DGKI: variants seen among roughly 807,000 people sequenced by gnomAD.
The protein encoded by DGKI is DAG kinase iota.
DGKI carries 55 observed loss-of-function variants against 147.5 expected under a neutral mutation model. The ratio of observed to expected loss-of-function variants is 0.37; its 90% confidence interval spans 0.30 to 0.47. The LOEUF (loss-of-function observed/expected upper bound fraction) is 0.47, where lower values mean the gene tolerates loss of function less well. DGKI is among the 20% of genes least tolerant of loss of function. The pLI, the probability that DGKI is intolerant of heterozygous loss-of-function variation, is 1.00. For synonymous variants in DGKI, 469 were observed against 477.1 expected (o/e 0.98, Z 0.22); for missense variants, 1,007 against 1,323.8 (o/e 0.76, Z 3.71).
chr7:137,753,045 T>TAC lies in DGKI; in HGVS notation c.402-63045_402-63044dup, dbSNP rs3054913. Among the ~76,000 whole-genome samples the TAC allele has an allele frequency of 3.8e-3, 567 of 150,238 alleles. 6 individuals are homozygous for TAC. The highest frequency in any genetic ancestry group is 0.016 in the East Asian group (83 of 5,084). ...GCATGCTAGTACATACGAATGTACATACACACACACACACACACACGCACA... is the reference window on the plus strand; with the variant it reads ...GCATGCTAGTACATACGAATGTACATACACACACACACACACACACACGCACA... On this transcript the variant is annotated intron_variant, in intron 1 of 32. Transcript: ENST00000614521.
At chr7:137,648,125 T>A (rs952404580) in intron 5 of DGKI, among the ~76,000 whole-genome samples, 8 of 152,142 alleles carry the variant, frequency 5.3e-5, no homozygotes, top group Non-Finnish European at 2.9e-5. Flanking sequence ...TATAAAAATG[T>A]CAGACAGTAT....
chr7:137,481,427 C>A (rs1815367222), intron 23 of DGKI, among the ~76,000 whole-genome samples: 1 of 152,076 alleles, frequency 6.6e-6, no homozygotes, highest in Non-Finnish European at 1.5e-5. Flanking sequence ...CATTTGGCAA[C>A]CTCAAGAATA....
chr7:137,767,094 C>CTCAT (rs1729937970), intron 1 of DGKI, among the ~76,000 whole-genome samples: 1 of 152,034 alleles, frequency 6.6e-6, no homozygotes, highest in Non-Finnish European at 1.5e-5. Flanking sequence ...GATGGGGGGG[C>CTCAT]CACTACCAGA....
chr7:137,733,528 G>A (rs1434645620), intron 1 of DGKI, among the ~76,000 whole-genome samples: 1 of 152,064 alleles, frequency 6.6e-6, no homozygotes, highest in East Asian at 1.9e-4. Flanking sequence ...CTTTGGCTTA[G>A]ATGTACTACT....
intron 20 of DGKI, among the ~76,000 whole-genome samples, chr7:137,550,188 CAG>C (rs199953697): frequency 0.028 from 3,956 of 143,266 alleles, 83 homozygotes; most frequent in South Asian, 0.073. Flanking sequence ...TTTTTTCAGA[CAG>C]AGTCTCGCTC....
chr7:137,837,829 G>A (rs561356167), intron 1 of DGKI, among the ~76,000 whole-genome samples: 26 of 152,186 alleles, frequency 1.7e-4, no homozygotes, highest in African/African-American at 6.0e-4. Flanking sequence ...AATGAAGACA[G>A]CCATGAAAAC....
At chr7:137,556,319 T>A (rs930777036) in intron 19 of DGKI, among the ~76,000 whole-genome samples, 1 of 150,656 alleles carries the variant, frequency 6.6e-6, no homozygotes, top group African/African-American at 2.4e-5. Flanking sequence ...AAGTTATCCA[T>A]CAGCAACGAA....
chr7:137,523,915 C>T lies in DGKI; in HGVS notation c.2148-1949G>A, dbSNP rs760587947. 1.7e-4 allele frequency among the ~76,000 whole-genome samples: 25 copies of T among 146,870 alleles called. 1 individual carries two copies. Among genetic ancestry groups the T allele is most frequent in the East Asian group, 7.7e-4 (4 of 5,186 alleles). Reference sequence around the variant, plus strand: ...ATAGCCACTAAGTAGCAGTGCTAAACGCAAAGCCTTGGACCCTTCACTCAT... The same window carrying T: ...ATAGCCACTAAGTAGCAGTGCTAAATGCAAAGCCTTGGACCCTTCACTCAT... On this transcript the variant is annotated intron_variant, in intron 20 of 32. Transcript: ENST00000614521.
At chr7:137,558,444 C>G (rs1413799171) in intron 19 of DGKI, among the ~76,000 whole-genome samples, 1 of 151,978 alleles carries the variant, frequency 6.6e-6, no homozygotes, top group African/African-American at 2.4e-5. Context: ...CAGCTAATTT[C>G]GTTTTGTATT....
At chr7:137,589,379 T>C (rs1325805052) in intron 12 of DGKI, among the ~76,000 whole-genome samples, 1 of 152,208 alleles carries the variant, frequency 6.6e-6, no homozygotes. Context: ...CCCAATGTGG[T>C]AACTAAAAAT....
At chr7:137,631,769 G>T (rs746655255) in intron 6 of DGKI, among the ~76,000 whole-genome samples, 1 of 152,256 alleles carries the variant, frequency 6.6e-6, no homozygotes, top group South Asian at 2.1e-4. Context: ...AAGTAAAAAT[G>T]CCTGAATTGC....
chr7:137,684,631 G>C (rs994002428), intron 2 of DGKI, among the ~76,000 whole-genome samples: 2 of 152,214 alleles, frequency 1.3e-5, no homozygotes, highest in African/African-American at 2.4e-5. Context: ...ATAAAGGAAT[G>C]GTGAGAGTCC....
In DGKI at chr7:137,578,462, CCCAGTTCCAGG is replaced by C. The variant is rs1417265464; in HGVS notation, c.1643-148_1643-138del. The C allele has an allele frequency of 3.3e-5, 22 of 662,984 alleles. No homozygotes were observed. In the East Asian group the frequency reaches 6.0e-4, roughly 18 times the overall value. 41.1% of individuals were successfully genotyped at this position (662,984 alleles called of 1,614,324 possible). On this transcript the variant is annotated intron_variant, in intron 15 of 32. Coordinates refer to ENST00000614521, the MANE Select transcript of DGKI (RefSeq NM_001321708.2). ...CCCATGGTTTGGTTATCATCTTTCC[CCCAGTTCCAGG>C]CCAGTTAGTACAGTAGCCCAGTGCT...
chr7:137,449,511 G>C (rs570740204), intron 27 of DGKI, among the ~76,000 whole-genome samples: 2 of 152,272 alleles, frequency 1.3e-5, no homozygotes, highest in Admixed American at 1.3e-4. Flanking sequence ...AGACTTAAAT[G>C]TAAGTCCCCA....
At chr7:137,793,318 T>G (rs1796922147) in intron 1 of DGKI, among the ~76,000 whole-genome samples, 1 of 151,766 alleles carries the variant, frequency 6.6e-6, no homozygotes. Flanking sequence ...TTTTTTTTTT[T>G]GAGACGGAGT....
intron 1 of DGKI, among the ~76,000 whole-genome samples, chr7:137,838,619 A>G (rs1464341245): frequency 6.6e-6 from 1 of 152,122 alleles, no homozygotes; most frequent in Non-Finnish European, 1.5e-5. Context: ...TTTTCTGGCT[A>G]TTTCCTGAAA....
At chr7:137,703,535 C>T (rs1456194336) in intron 1 of DGKI, among the ~76,000 whole-genome samples, 1 of 152,156 alleles carries the variant, frequency 6.6e-6, no homozygotes, top group Non-Finnish European at 1.5e-5. Flanking sequence ...AGACATGCCC[C>T]ACAATTCATA....
intron 2 of DGKI, among the ~76,000 whole-genome samples, chr7:137,679,863 G>A (rs28376090): frequency 0.048 from 7,274 of 151,672 alleles, 564 homozygotes; most frequent in African/African-American, 0.17. Context: ...GGTGGTGGGC[G>A]CCTGTTAATC....
chr7:137,569,565 A>G (rs969406903), intron 19 of DGKI, among the ~76,000 whole-genome samples: 4 of 151,288 alleles, frequency 2.6e-5, no homozygotes, highest in Admixed American at 6.6e-5. Flanking sequence ...CGTCTCTACT[A>G]AAAATACAAA....
Sources: gnomAD v4.1 joint callset for allele counts (sites outside exome capture counted in the v4.1 genomes callset) on GRCh38, gnomAD v4.1.1 for gene constraint, MANE v1.5 for transcripts, NCBI Gene and HGNC (gene_info 2026-07-23, HGNC 2026-07-21) for gene names.